Variants in SECISBP2 observed in about 807,000 individuals in gnomAD.
The protein encoded by SECISBP2 is selenocysteine insertion sequence-binding protein 2.
A neutral mutation model predicts 98.2 loss-of-function variants in SECISBP2; 96 were observed. The observed-to-expected ratio is 0.98, with a 90% CI of 0.83 to 1.16. SECISBP2 has a LOEUF of 1.16. SECISBP2 is among the 50% of genes most tolerant of loss of function. The pLI, the probability that SECISBP2 is intolerant of heterozygous loss-of-function variation, is 0.00. For synonymous variants in SECISBP2, 407 were observed against 370.2 expected, an observed-to-expected ratio of 1.10 and a Z score of -1.14; for missense variants, 1,046 against 1,022.9, an observed-to-expected ratio of 1.02 and a Z score of -0.31.
intron 4 of SECISBP2, among the ~76,000 whole-genome samples, chr9:89,328,129 A>G (rs1265760994): frequency 1.3e-5 from 2 of 152,240 alleles, no homozygotes; most frequent in Admixed American, 1.3e-4. Flanking sequence ...TAGTGGGAGT[A>G]TATACTCCAA....
Position 89,349,839 on chromosome 9 carries a change from C to G in SECISBP2, c.1802C>G (p.Pro601Arg). The G allele has an allele frequency of 6.2e-7, 1 of 1,614,198 alleles. No individual in the cohort carries two copies. The highest frequency in any genetic ancestry group is 8.5e-7 in the Non-Finnish European group (1 of 1,180,024). Residue 601 changes from proline (P) to arginine (R), a missense_variant, in exon 13 of 17, where the codon CCA (proline) becomes CGA (arginine). Transcript: ENST00000375807. ...PSVEDKSEEPPGTELQRDTEA... is the reference protein window; with the variant it reads ...PSVEDKSEEPRGTELQRDTEA... ...GTTGAGGACAAGTCTGAAGAGCCAC[C>G]AGGCACAGAGCTCCAGAGGGACACA...
In SECISBP2 at chr9:89,357,494, G is replaced by A. The variant is rs137880437; in HGVS notation, c.2197G>A (p.Ala733Thr). 2.0e-5 allele frequency: 33 copies of A among 1,614,224 alleles called. No individual in the cohort carries two copies. Among genetic ancestry groups the A allele is most frequent in the Non-Finnish European group, 5.9e-6 (7 of 1,180,040 alleles). The change falls in exon 15 of 17, where the codon GCT becomes ACT. Residue 733 changes from alanine (A) to threonine (T), a missense_variant. Physicochemically the swap from Ala to Thr is moderately conservative, Grantham distance 58. Transcript: ENST00000375807. Reference protein sequence around the residue: ...IPFVFALNRKALGRSLNKAVP... With the variant: ...IPFVFALNRKTLGRSLNKAVP... ...CTTTGTGTTTGCTCTCAACCGCAAA[G>A]CTCTGGGGCGCAGTTTGAATAAGGC...
chr9:89,333,250 C>A (rs1222876334), intron 6 of SECISBP2, among the ~76,000 whole-genome samples: 2 of 152,192 alleles, frequency 1.3e-5, no homozygotes, highest in African/African-American at 2.4e-5. Context: ...TCAGCAGTAA[C>A]TACTTCCTTT....
intron 2 of SECISBP2, 104 bp from the exon 3 acceptor site, chr9:89,325,323 T>A (rs1459911090): frequency 3.7e-6 from 4 of 1,078,738 alleles, no homozygotes; most frequent in Non-Finnish European, 5.5e-6. Flanking sequence ...CTAGAGTGAA[T>A]GGTCTCAGAA....
the SECISBP2 span, chr9:89,364,679 G>A: frequency 5.1e-3 from 794 of 154,814 alleles, 5 homozygotes; most frequent in African/African-American, 0.018. Context: ...ATTGAAGAAA[G>A]TAGAGAGGCC....
At chr9:89,355,885 C>T (rs1468802224) in intron 14 of SECISBP2, among the ~76,000 whole-genome samples, 1 of 152,164 alleles carries the variant, frequency 6.6e-6, no homozygotes, top group Non-Finnish European at 1.5e-5. Flanking sequence ...TTTTTTCTGG[C>T]GTCCATCCTG....
Position 89,337,616 on chromosome 9 carries a change from A to G in SECISBP2, c.1090-842A>G, listed in dbSNP as rs542850066. On this transcript the variant is annotated intron_variant, in intron 7 of 16. Coordinates refer to ENST00000375807, the MANE Select transcript of SECISBP2 (RefSeq NM_024077.5). ...TTCAACCTGTCTTTTTCACTTAGAA[A>G]AACATCATGGACAGCTCCTGTGGGT... Among the ~76,000 whole-genome samples, 5 of 152,348 alleles carry G rather than the reference A, an allele frequency of 3.3e-5. No individual in the cohort carries two copies. The East Asian group carries it at 5.8e-4, about 18-fold the overall frequency.
chr9:89,358,684 A>G (rs778076810), intron 16 of SECISBP2, 37 bp from the exon 17 acceptor site: 11 of 1,367,332 alleles, frequency 8.0e-6, no homozygotes, highest in East Asian at 2.3e-5. Context: ...CTACTTGTTG[A>G]TGCCTATTCC....
In SECISBP2 at chr9:89,318,929, T is replaced by C. The variant is rs543082801; in HGVS notation, c.36+317T>C. On this transcript the variant is annotated intron_variant, in intron 1 of 16. Transcript: ENST00000375807. Reference sequence around the variant, plus strand: ...GGACTCTGGCGAGCTTCCCGCGCTCTTGGGAACGGATAGATTGTTTTAAAG... The same window carrying C: ...GGACTCTGGCGAGCTTCCCGCGCTCCTGGGAACGGATAGATTGTTTTAAAG... The C allele has an allele frequency of 1.2e-5, 15 of 1,208,198 alleles. No homozygotes were observed. The East Asian group carries it at 5.5e-4, about 44-fold the overall frequency. 74.8% of individuals were successfully genotyped at this position (1,208,198 alleles called of 1,614,324 possible).
intron 1 of SECISBP2, chr9:89,318,909 C>G (rs1253233865): frequency 8.1e-7 from 1 of 1,230,712 alleles, no homozygotes; most frequent in Non-Finnish European, 1.0e-6. Context: ...CGGGGGGACT[C>G]TGGCGAGCTT....
intron 2 of SECISBP2, chr9:89,324,043 C>T (rs995396869): frequency 6.6e-6 from 1 of 152,196 alleles, no homozygotes; most frequent in Admixed American, 6.6e-5. Context: ...GTTCATTTAT[C>T]TATTTATTGG....
chr9:89,344,000 G>A (rs1314110308), intron 10 of SECISBP2, among the ~76,000 whole-genome samples: 1 of 151,776 alleles, frequency 6.6e-6, no homozygotes, highest in South Asian at 2.1e-4. Flanking sequence ...CGCCAGCTTC[G>A]TTGTAGCCAT....
chr9:89,334,112 A>G, intron 6 of SECISBP2: 1 of 1,131,118 alleles, frequency 8.8e-7, no homozygotes, highest in Non-Finnish European at 1.1e-6. Context: ...TGATAGCTGA[A>G]GTCTAGTGAT....
intron 2 of SECISBP2, chr9:89,323,067 T>G (rs1227618556): frequency 8.5e-5 from 13 of 152,204 alleles, no homozygotes; most frequent in African/African-American, 2.9e-4. Flanking sequence ...GCCCCATGAT[T>G]GTCCGTACAG....
At chr9:89,339,836 G>T in intron 8 of SECISBP2, 28 bp from the exon 9 acceptor site, 1 of 1,529,308 alleles carries the variant, frequency 6.5e-7, no homozygotes, top group South Asian at 1.1e-5. Context: ...ATTAACAAAA[G>T]AGCTAAAGGG....
chr9:89,319,687 C>T lies in SECISBP2; in HGVS notation c.72C>T (p.Val24=). 1.2e-6 allele frequency: 2 copies of T among 1,614,162 alleles called. No homozygotes were observed. Among genetic ancestry groups the T allele is most frequent in the Non-Finnish European group, 1.7e-6 (2 of 1,180,022 alleles). ...TATCAGCAGATGTCAAACCATTTGT[C>T]CCCAGATTTGCCGGGCTCAATGTGG... ...IKLSADVKPF[V]PRFAGLNVAW... The change falls in exon 2 of 17, where the codon GTC becomes GTT. Residue 24 remains valine (V), a synonymous_variant. Coordinates refer to ENST00000375807, the MANE Select transcript of SECISBP2 (RefSeq NM_024077.5).
chr9:89,351,957 C>T (rs575788429), intron 14 of SECISBP2, among the ~76,000 whole-genome samples: 2 of 152,180 alleles, frequency 1.3e-5, no homozygotes, highest in Non-Finnish European at 2.9e-5. Context: ...CTTGGGCTCC[C>T]TTCCTTTCCT....
intron 10 of SECISBP2, among the ~76,000 whole-genome samples, chr9:89,345,947 T>G (rs1419010804): frequency 6.6e-6 from 1 of 152,260 alleles, no homozygotes; most frequent in African/African-American, 2.4e-5. Context: ...TTGGTTGACC[T>G]GTGCAGGTTA....
intron 15 of SECISBP2, among the ~76,000 whole-genome samples, chr9:89,357,797 G>A (rs953662759): frequency 8.5e-5 from 13 of 152,184 alleles, no homozygotes; most frequent in African/African-American, 3.1e-4. Flanking sequence ...TGCTGACATA[G>A]TGGCACCTCA....
Sources: allele counts gnomAD v4.1 joint callset (sites outside exome capture counted in the v4.1 genomes callset), GRCh38; gene constraint gnomAD v4.1.1; transcripts MANE v1.5; gene names NCBI Gene and HGNC (gene_info 2026-07-23, HGNC 2026-07-21).